The following KIRREL3 variants were observed in gnomAD, a reference collection of about 807,000 sequenced individuals.
KIRREL3 encodes the protein kin of IRRE-like protein 3.
A neutral mutation model predicts 89.7 loss-of-function variants in KIRREL3; 36 were observed. That is an observed-to-expected ratio of 0.40 (90% confidence interval 0.31 to 0.53). The LOEUF is 0.53. Among genes scored for constraint, KIRREL3 ranks in the 20% least tolerant of loss-of-function variants. The pLI, the probability that KIRREL3 is intolerant of heterozygous loss-of-function variation, is 0.49. For synonymous variants in KIRREL3, 445 were observed against 441.4 expected, an observed-to-expected ratio of 1.01 and a Z score of -0.10; for missense variants, 864 against 1,056.6, an observed-to-expected ratio of 0.82 and a Z score of 2.53.
At chr11:126,845,714 A>G (rs1469771860) in intron 1 of KIRREL3, among the ~76,000 whole-genome samples, 2 of 152,030 alleles carry the variant, frequency 1.3e-5, no homozygotes, top group Non-Finnish European at 2.9e-5. Flanking sequence ...GACCTTTACC[A>G]TTTGTTTATT....
At chr11:126,975,918 TCCTC>T (rs1191282647) in intron 1 of KIRREL3, among the ~76,000 whole-genome samples, 30 of 36,540 alleles carry the variant, frequency 8.2e-4, no homozygotes, top group Admixed American at 3.8e-3. Flanking sequence ...CTCCCTCCCT[TCCTC>T]CCTCCCTCCC....
Position 126,537,177 on chromosome 11 carries a change from T to A in KIRREL3, c.134-10490A>T, listed in dbSNP as rs535612999. On this transcript the variant is annotated intron_variant, in intron 2 of 16. Transcript: ENST00000525144. The surrounding 1 kb of genome is among the most constrained non-coding windows in gnomAD (Gnocchi z 4.3). ...AAGGATGGAAATGCTTGTCCTTGCT[T>A]CTAAGGAGCCTGGTGCTGACACATG... Among the ~76,000 whole-genome samples, 1 of 152,210 alleles carries A rather than the reference T, an allele frequency of 6.6e-6. No individual in the cohort carries two copies. Among genetic ancestry groups the A allele is most frequent in the South Asian group, 2.1e-4 (1 of 4,818 alleles).
chr11:126,823,028 C>CTTTAATACTCGCTGGAGTA (rs1943281298), intron 1 of KIRREL3, among the ~76,000 whole-genome samples: 1 of 152,128 alleles, frequency 6.6e-6, no homozygotes, highest in African/African-American at 2.4e-5. Flanking sequence ...CACCACTCAT[C>CTTTAATACTCGCTGGAGTA]TTTAATACTC....
chr11:126,923,098 T>TTCTCCTTCTC (rs1947422875), intron 1 of KIRREL3, among the ~76,000 whole-genome samples: 1 of 89,064 alleles, frequency 1.1e-5, no homozygotes, highest in Non-Finnish European at 2.3e-5. Context: ...TTCTTCTTCT[T>TTCTCCTTCTC]CTTCTCCTTC....
chr11:126,924,221 C>T lies in KIRREL3; in HGVS notation c.55+76234G>A, dbSNP rs1371668272. On this transcript the variant is annotated intron_variant, in intron 1 of 16. Transcript: ENST00000525144. This position sits in a 1 kb window ranked among gnomAD's most constrained non-coding sequence, Gnocchi z 4.7. ...GGCTCAGGCCACCATCACCTTTGAC[C>T]TGAATGCATCCACGCAACTGGTTTT... 6.6e-6 allele frequency among the ~76,000 whole-genome samples: 1 copy of T among 152,152 alleles called. No homozygotes were observed. Among genetic ancestry groups the T allele is most frequent in the Non-Finnish European group, 1.5e-5 (1 of 68,038 alleles).
In KIRREL3 at chr11:126,917,462, G is replaced by T. The variant is rs997890109; in HGVS notation, c.55+82993C>A. ...TGGTTAAAATGTCAAATTTCATGTT[G>T]TATATATTTTACCACAATAAAAAAA... is the stretch of plus-strand genomic sequence containing the variant. On this transcript the variant is annotated intron_variant, in intron 1 of 16. Coordinates refer to ENST00000525144, the MANE Select transcript of KIRREL3 (RefSeq NM_032531.4). This position sits in a 1 kb window ranked among gnomAD's most constrained non-coding sequence, Gnocchi z 5.0. Among the ~76,000 whole-genome samples, 1 of 151,724 alleles carries T rather than the reference G, an allele frequency of 6.6e-6. No homozygotes were observed. Among genetic ancestry groups the T allele is most frequent in the Non-Finnish European group, 1.5e-5 (1 of 67,986 alleles).
chr11:126,595,925 T>C (rs747961163), intron 1 of KIRREL3, among the ~76,000 whole-genome samples: 8 of 152,198 alleles, frequency 5.3e-5, no homozygotes, highest in Non-Finnish European at 8.8e-5. Flanking sequence ...TCATAAAGAA[T>C]TGTAATAAAC....
intron 4 of KIRREL3, among the ~76,000 whole-genome samples, chr11:126,499,424 C>T (rs7933515): frequency 0.3 from 45,798 of 152,016 alleles, 7,116 homozygotes; most frequent in Middle Eastern, 0.34. Context: ...TTCAGATTCA[C>T]GCCCCATACC....
chr11:126,707,668 G>C (rs1947587612), intron 1 of KIRREL3, among the ~76,000 whole-genome samples: 1 of 152,172 alleles, frequency 6.6e-6, no homozygotes, highest in South Asian at 2.1e-4. Flanking sequence ...GTCAGTCCCG[G>C]ATAGAATGCT....
Position 126,544,941 on chromosome 11 carries a change from G to C in KIRREL3, c.133+17894C>G, listed in dbSNP as rs143758656. 2.1e-3 allele frequency among the ~76,000 whole-genome samples: 317 copies of C among 152,154 alleles called. No individual in the cohort carries two copies. The highest frequency in any genetic ancestry group is 7.4e-3 in the African/African-American group (309 of 41,508). On this transcript the variant is annotated intron_variant, in intron 2 of 16. Transcript: ENST00000525144. The surrounding 1 kb of genome is among the most constrained non-coding windows in gnomAD (Gnocchi z 5.6). ...AAGACACAATAATGAAAAACTCAAC[G>C]TGCAACATTGCCTTACGCAATCTAA... is the stretch of plus-strand genomic sequence containing the variant.
At chr11:126,595,752 G>C (rs545785667) in intron 1 of KIRREL3, among the ~76,000 whole-genome samples, 1 of 152,182 alleles carries the variant, frequency 6.6e-6, no homozygotes, top group African/African-American at 2.4e-5. Flanking sequence ...CCTTAGGAGC[G>C]ATGGGGGACA....
At chr11:126,767,718 G>A (rs577055935) in intron 1 of KIRREL3, among the ~76,000 whole-genome samples, 1 of 152,268 alleles carries the variant, frequency 6.6e-6, no homozygotes, top group African/African-American at 2.4e-5. Flanking sequence ...TATTGAGAAT[G>A]TACGTATGTT....
At chr11:126,499,566 A>G (rs1591638810) in intron 4 of KIRREL3, among the ~76,000 whole-genome samples, 3 of 152,282 alleles carry the variant, frequency 2.0e-5, no homozygotes, top group Admixed American at 1.3e-4. Context: ...CTGAGCCCCA[A>G]CCTGTTGACT....
chr11:126,720,867 G>C (rs556030108), intron 1 of KIRREL3, among the ~76,000 whole-genome samples: 1 of 152,298 alleles, frequency 6.6e-6, no homozygotes, highest in South Asian at 2.1e-4. Flanking sequence ...GAGGAGAGGA[G>C]TGTCCAGGAA....
Position 126,558,014 on chromosome 11 carries a change from G to T in KIRREL3, c.133+4821C>A, listed in dbSNP as rs1939829907. Among the ~76,000 whole-genome samples, 1 of 152,218 alleles carries T rather than the reference G, an allele frequency of 6.6e-6. No homozygotes were observed. Among genetic ancestry groups the T allele is most frequent in the Admixed American group, 6.5e-5 (1 of 15,284 alleles). On this transcript the variant is annotated intron_variant, in intron 2 of 16. Coordinates refer to ENST00000525144, the MANE Select transcript of KIRREL3 (RefSeq NM_032531.4). The surrounding 1 kb of genome is among the most constrained non-coding windows in gnomAD (Gnocchi z 4.0). The stretch of plus-strand genomic sequence containing the variant: ...AGGGACAGCACCCAGAGGCATTTCT[G>T]CTCTCCCTTGGTCTCTTGAAGCAGA...
At chr11:126,926,406 C>T (rs1947717242) in intron 1 of KIRREL3, among the ~76,000 whole-genome samples, 1 of 152,200 alleles carries the variant, frequency 6.6e-6, no homozygotes, top group African/African-American at 2.4e-5. Flanking sequence ...GAATATTTCC[C>T]TGTCATATGG....
intron 4 of KIRREL3, among the ~76,000 whole-genome samples, chr11:126,509,910 C>T (rs1591652850): frequency 7.6e-6 from 1 of 131,484 alleles, no homozygotes; most frequent in Non-Finnish European, 1.5e-5. Context: ...TCACTTGAAC[C>T]TGGGAGGCAG....
Position 126,424,901 on chromosome 11 carries a change from G to T in KIRREL3, c.2016C>A (p.Gly672=). 6.2e-7 allele frequency: 1 copy of T among 1,609,776 alleles called. No homozygotes were observed. Among genetic ancestry groups the T allele is most frequent in the South Asian group, 1.1e-5 (1 of 91,036 alleles). The stretch of plus-strand genomic sequence containing the variant: ...TGCTGTAGATGTTGGTGAAGGACAT[G>T]CCTGTGGGCACACGCTGCTTGCCCG... ...RPAGKQRVPT[G]MSFTNIYSTL... The change falls in exon 17 of 17, where the codon GGC becomes GGA. Residue 672 remains glycine, a synonymous_variant. Coordinates refer to ENST00000525144, the MANE Select transcript of KIRREL3 (RefSeq NM_032531.4).
At chr11:126,637,306 T>C (rs1944304594) in intron 1 of KIRREL3, among the ~76,000 whole-genome samples, 1 of 152,224 alleles carries the variant, frequency 6.6e-6, no homozygotes, top group African/African-American at 2.4e-5. Context: ...GTGAATCATG[T>C]TGTAATCATC....
Sources: gnomAD v4.1 joint callset for allele counts (sites outside exome capture counted in the v4.1 genomes callset) on GRCh38, gnomAD v4.1.1 for gene constraint, Gnocchi (gnomAD v3.1) non-coding constraint, MANE v1.5 for transcripts, NCBI Gene and HGNC (gene_info 2026-07-23, HGNC 2026-07-21) for gene names.